Variants in FAM210A observed in about 807,000 individuals in gnomAD.
FAM210A encodes mitochondrial inner membrane scaffold 1, also known as family with sequence similarity 210 member A.
Under a neutral mutation model 25.3 loss-of-function variants are expected in FAM210A, and 13 were observed. The observed-to-expected ratio is 0.51, with a 90% confidence interval of 0.33 to 0.82. FAM210A has a LOEUF of 0.82. Among genes scored for constraint, FAM210A ranks in the 40% least tolerant of loss-of-function variants. FAM210A has a pLI of 0.02. For synonymous variants in FAM210A, 125 were observed against 118.7 expected, an observed-to-expected ratio of 1.05 and a Z score of -0.35; for missense variants, 319 against 323.2, an observed-to-expected ratio of 0.99 and a Z score of 0.10.
rs1297929719 is a variant in FAM210A at position 13,726,506 on chromosome 18, G to C, written c.-206C>G. The C allele has an allele frequency of 1.3e-5, 2 of 152,576 alleles. No homozygotes were observed. The highest frequency in any genetic ancestry group is 1.9e-4 in the East Asian group (1 of 5,178). The allele number at this position is 152,576 out of a possible 1,614,324, so 9.5% of individuals were successfully genotyped here. ...CCTGCCGCCCCCGGCCCCGCCAGCC[G>C]CGCCCACTAGCAACGTGCTCGCGAC... On this transcript the variant is annotated 5_prime_UTR_variant, in exon 1 of 4. Coordinates refer to ENST00000651643, the MANE Select transcript of FAM210A (RefSeq NM_152352.4).
intron 1 of FAM210A, among the ~76,000 whole-genome samples, chr18:13,715,907 A>T (rs2043858168): frequency 6.6e-6 from 1 of 152,188 alleles, no homozygotes; most frequent in Non-Finnish European, 1.5e-5. Flanking sequence ...CAATGCTTAC[A>T]CAAAAACTTT....
intron 1 of FAM210A, among the ~76,000 whole-genome samples, chr18:13,711,070 T>C (rs1234102327): frequency 6.6e-6 from 1 of 152,144 alleles, no homozygotes; most frequent in Admixed American, 6.5e-5. Context: ...ACCAGCGAAG[T>C]GTCTTAAAAC....
intron 2 of FAM210A, among the ~76,000 whole-genome samples, chr18:13,677,817 TTA>T (rs2043517921): frequency 6.6e-6 from 1 of 152,154 alleles, no homozygotes; most frequent in Non-Finnish European, 1.5e-5. Context: ...CCTAGATCTA[TTA>T]TGATAACGGT....
intron 2 of FAM210A, among the ~76,000 whole-genome samples, chr18:13,679,297 C>G (rs1342465591): frequency 6.6e-6 from 1 of 152,160 alleles, no homozygotes; most frequent in African/African-American, 2.4e-5. Context: ...GCAAATAACA[C>G]AGAACTTTTT....
chr18:13,690,288 A>T (rs2043632221), intron 1 of FAM210A, among the ~76,000 whole-genome samples: 1 of 152,250 alleles, frequency 6.6e-6, no homozygotes, highest in Non-Finnish European at 1.5e-5. Flanking sequence ...ATTGCAGCTC[A>T]AGAAGGCCTG....
chr18:13,714,461 G>A (rs1409642306), intron 1 of FAM210A, among the ~76,000 whole-genome samples: 1 of 152,138 alleles, frequency 6.6e-6, no homozygotes, highest in African/African-American at 2.4e-5. Context: ...AAATGAGGCT[G>A]GAATTCTAGA....
intron 1 of FAM210A, among the ~76,000 whole-genome samples, chr18:13,725,747 G>A (rs1178374723): frequency 6.6e-6 from 1 of 152,168 alleles, no homozygotes; most frequent in African/African-American, 2.4e-5. Flanking sequence ...TCACTCCCCA[G>A]TAGAAATCTG....
chr18:13,677,235 C>T (rs924972699), intron 2 of FAM210A, among the ~76,000 whole-genome samples: 23 of 152,080 alleles, frequency 1.5e-4, no homozygotes, highest in African/African-American at 4.3e-4. Flanking sequence ...CCACCACGCC[C>T]GGCTAATTTT....
chr18:13,688,110 T>C (rs1368479613), intron 1 of FAM210A, among the ~76,000 whole-genome samples: 4 of 152,048 alleles, frequency 2.6e-5, no homozygotes, highest in African/African-American at 9.7e-5. Flanking sequence ...CAAGATGAGA[T>C]TAATTATTCT....
intron 1 of FAM210A, among the ~76,000 whole-genome samples, chr18:13,702,006 G>T (rs553195352): frequency 1.3e-5 from 2 of 152,360 alleles, no homozygotes; most frequent in South Asian, 4.1e-4. Flanking sequence ...CATGCAGCTG[G>T]TTGGGCAGCA....
chr18:13,705,099 G>A (rs542301403), intron 1 of FAM210A, among the ~76,000 whole-genome samples: 5 of 152,136 alleles, frequency 3.3e-5, no homozygotes, highest in Non-Finnish European at 5.9e-5. Flanking sequence ...TCATAAAACT[G>A]CTAACCCAAG....
chr18:13,705,018 T>G (rs1417671689), intron 1 of FAM210A, among the ~76,000 whole-genome samples: 1 of 152,242 alleles, frequency 6.6e-6, no homozygotes, highest in Non-Finnish European at 1.5e-5. Context: ...TACAGGTTTC[T>G]AATAACCTTA....
Position 13,703,270 on chromosome 18 carries a change from G to A in FAM210A, c.-28-21165C>T, listed in dbSNP as rs575146539. ...TTTAGGGATGTCTAGTGCCAGCTAT[G>A]GGGAAACACTGAGCTCTGCACATTT... On this transcript the variant is annotated intron_variant, in intron 1 of 3. Coordinates refer to ENST00000651643, the MANE Select transcript of FAM210A (RefSeq NM_152352.4). Among the ~76,000 whole-genome samples, 3 of 152,274 alleles carry A rather than the reference G, an allele frequency of 2.0e-5. No homozygotes were observed. In the Middle Eastern group the frequency reaches 0.01, roughly 518 times the overall value.
intron 1 of FAM210A, among the ~76,000 whole-genome samples, chr18:13,702,584 G>A (rs533795218): frequency 3.7e-4 from 57 of 152,298 alleles, no homozygotes; most frequent in African/African-American, 1.3e-3. Flanking sequence ...GAATTTTAAG[G>A]TTCATGTCAC....
chr18:13,704,928 A>C (rs950304033), intron 1 of FAM210A, among the ~76,000 whole-genome samples: 1 of 152,196 alleles, frequency 6.6e-6, no homozygotes, highest in Non-Finnish European at 1.5e-5. Flanking sequence ...AAAACTTCAT[A>C]AGCATGTAAA....
At chr18:13,699,008 CTA>C (rs1482357073) in intron 1 of FAM210A, among the ~76,000 whole-genome samples, 1 of 152,170 alleles carries the variant, frequency 6.6e-6, no homozygotes, top group Non-Finnish European at 1.5e-5. Flanking sequence ...CAGGGACTCG[CTA>C]TGTTGCCCAG....
At position 13,681,611 on chromosome 18, in the gene FAM210A, G is replaced by T; in HGVS notation, c.467C>A (p.Ala156Asp). The change falls in exon 2 of 4, where the codon GCC becomes GAC. Residue 156 changes from alanine (A) to aspartate (D), a missense_variant. Ala to Asp is a moderately radical substitution (Grantham distance 126, BLOSUM62 -2). Transcript: ENST00000651643. ...GVWFGTFYYAALKGVNVVPFL... is the reference protein window; with the variant it reads ...GVWFGTFYYADLKGVNVVPFL... Reference sequence around the variant, plus strand: ...CAACTAAGCAAAAACTTACTTCAAGGCTGCATAATAAAATGTTCCAAACCA... The same window carrying T: ...CAACTAAGCAAAAACTTACTTCAAGTCTGCATAATAAAATGTTCCAAACCA... 1 of 1,596,918 alleles carries T rather than the reference G, an allele frequency of 6.3e-7. No homozygotes were observed.
chr18:13,677,674 A>G (rs1425412688), intron 2 of FAM210A, among the ~76,000 whole-genome samples: 1 of 152,102 alleles, frequency 6.6e-6, no homozygotes, highest in East Asian at 1.9e-4. Context: ...GGAGGCAGAA[A>G]TTGGGCATAA....
intron 3 of FAM210A, among the ~76,000 whole-genome samples, chr18:13,670,312 A>G (rs1171510888): frequency 6.6e-6 from 1 of 152,224 alleles, no homozygotes; most frequent in Non-Finnish European, 1.5e-5. Context: ...GGTTAAAATT[A>G]TACCCACCAT....
Sources: gnomAD v4.1 joint callset for allele counts (sites outside exome capture counted in the v4.1 genomes callset) on GRCh38, gnomAD v4.1.1 for gene constraint, MANE v1.5 for transcripts, NCBI Gene and HGNC (gene_info 2026-07-23, HGNC 2026-07-21) for gene names.